The following MRPS27 variants were observed in gnomAD, a reference collection of about 807,000 sequenced individuals.
MRPS27 encodes the protein mitochondrial ribosomal protein S27.
Under a neutral mutation model 48.9 loss-of-function variants are expected in MRPS27, and 43 were observed. That is an observed-to-expected ratio of 0.88 (90% CI 0.69 to 1.13). The LOEUF (loss-of-function observed/expected upper bound fraction) is 1.13, where lower values mean the gene tolerates loss of function less well. MRPS27 is among the 50% of genes most tolerant of loss of function. The pLI, the probability that MRPS27 is intolerant of heterozygous loss-of-function variation, is 0.00. For missense variants in MRPS27, 467 were observed against 476.3 expected (o/e 0.98, Z 0.18); for synonymous variants, 188 against 171.9 (o/e 1.09, Z -0.73).
chr5:72,271,916 G>T (rs748024497), intron 4 of MRPS27, among the ~76,000 whole-genome samples: 7 of 152,118 alleles, frequency 4.6e-5, no homozygotes, highest in Non-Finnish European at 1.0e-4. Flanking sequence ...CTCACACTGG[G>T]ACACAAAACA....
At chr5:72,234,086 C>T (rs1464564710) in intron 6 of MRPS27, 33 bp downstream of exon 6, 2 of 1,472,318 alleles carry the variant, frequency 1.4e-6, no homozygotes, top group Non-Finnish European at 1.8e-6. Flanking sequence ...GCTGGAAGCC[C>T]TATAAACACT....
At chr5:72,249,045 G>A (rs1748585714) in intron 4 of MRPS27, among the ~76,000 whole-genome samples, 1 of 152,236 alleles carries the variant, frequency 6.6e-6, no homozygotes, top group East Asian at 1.9e-4. Context: ...GTAGCAAGTA[G>A]ACTGTCCACA....
chr5:72,256,220 G>T (rs1265967567), intron 4 of MRPS27, among the ~76,000 whole-genome samples: 2 of 152,100 alleles, frequency 1.3e-5, no homozygotes, highest in East Asian at 3.8e-4. Flanking sequence ...TATATTCCAC[G>T]TATTATGAAG....
At chr5:72,291,092 G>C (rs936782263) in intron 4 of MRPS27, among the ~76,000 whole-genome samples, 3 of 152,170 alleles carry the variant, frequency 2.0e-5, no homozygotes, top group African/African-American at 7.2e-5. Context: ...TTTTTCCGGT[G>C]CTGTAGGGAA....
chr5:72,238,918 G>C (rs771703836), intron 4 of MRPS27, among the ~76,000 whole-genome samples: 10 of 152,222 alleles, frequency 6.6e-5, no homozygotes, highest in Non-Finnish European at 8.8e-5. Flanking sequence ...CCGGTTCCTG[G>C]GGTTCATGAC....
At chr5:72,242,543 A>C (rs1486324715) in intron 4 of MRPS27, among the ~76,000 whole-genome samples, 1 of 151,924 alleles carries the variant, frequency 6.6e-6, no homozygotes, top group African/African-American at 2.4e-5. Context: ...AATTAAAAAA[A>C]AAAAGTGGCC....
chr5:72,233,851 G>A (rs1748123786), intron 6 of MRPS27, among the ~76,000 whole-genome samples: 1 of 152,076 alleles, frequency 6.6e-6, no homozygotes, highest in Admixed American at 6.6e-5. Context: ...CTGCATTTCA[G>A]TCAGTTTGGG....
At chr5:72,234,603 C>A (rs572848980) in intron 5 of MRPS27, among the ~76,000 whole-genome samples, 2 of 152,222 alleles carry the variant, frequency 1.3e-5, no homozygotes, top group South Asian at 4.1e-4. Flanking sequence ...CATTACACAG[C>A]ATTTTCTGGT....
At chr5:72,247,862 A>G (rs1748547911) in intron 4 of MRPS27, among the ~76,000 whole-genome samples, 1 of 152,200 alleles carries the variant, frequency 6.6e-6, no homozygotes, top group South Asian at 2.1e-4. Context: ...GGGGAGTAGG[A>G]TAGGGTGGGC....
At chr5:72,234,249 G>T in intron 5 of MRPS27, 52 bp from the exon 6 acceptor site, 1 of 1,335,766 alleles carries the variant, frequency 7.5e-7, no homozygotes, top group Non-Finnish European at 9.8e-7. Context: ...ATCTAATTTA[G>T]TCTGTAATAT....
intron 5 of MRPS27, among the ~76,000 whole-genome samples, chr5:72,235,525 G>C (rs147860307): frequency 6.6e-6 from 1 of 152,078 alleles, no homozygotes; most frequent in African/African-American, 2.4e-5. Flanking sequence ...GTTTGTCAAC[G>C]TAAGTTCATC....
chr5:72,312,004 C>T (rs536334129), intron 2 of MRPS27, among the ~76,000 whole-genome samples: 24 of 152,156 alleles, frequency 1.6e-4, no homozygotes, highest in Non-Finnish European at 3.2e-4. Flanking sequence ...TGGTGGCGTG[C>T]GGCTGTAACC....
At chr5:72,255,670 CTATATAAGGTAAG>C (rs1748782761) in intron 4 of MRPS27, among the ~76,000 whole-genome samples, 1 of 152,184 alleles carries the variant, frequency 6.6e-6, no homozygotes, top group African/African-American at 2.4e-5. Flanking sequence ...CGAAACAACC[CTATATAAGGTAAG>C]TATATTATCC....
intron 4 of MRPS27, among the ~76,000 whole-genome samples, chr5:72,262,367 G>A (rs916364885): frequency 3.3e-5 from 5 of 151,864 alleles, no homozygotes; most frequent in Non-Finnish European, 5.9e-5. Flanking sequence ...TGTGAGGCCC[G>A]TTGTCTTACA....
At chr5:72,312,591 C>T (rs1049146577) in intron 2 of MRPS27, among the ~76,000 whole-genome samples, 2 of 151,536 alleles carry the variant, frequency 1.3e-5, no homozygotes, top group Admixed American at 1.3e-4. Context: ...CTTTGTTTCT[C>T]CTCTGTATCG....
At chr5:72,294,583 T>G (rs915840555) in intron 4 of MRPS27, 1 of 152,214 alleles carries the variant, frequency 6.6e-6, no homozygotes, top group East Asian at 1.9e-4. Flanking sequence ...TTAATGTGCA[T>G]TAGGTTGTTT....
intron 4 of MRPS27, among the ~76,000 whole-genome samples, chr5:72,284,066 T>C (rs908905735): frequency 6.6e-6 from 1 of 152,144 alleles, no homozygotes; most frequent in Non-Finnish European, 1.5e-5. Flanking sequence ...ACTTTTATTA[T>C]GATATATACT....
intron 8 of MRPS27, 181 bp from the exon 9 acceptor site, chr5:72,226,380 TG>T: frequency 3.0e-6 from 2 of 657,160 alleles, no homozygotes; most frequent in Non-Finnish European, 5.1e-6. Flanking sequence ...TAATGACGAA[TG>T]TGGTAAAATT....
intron 4 of MRPS27, chr5:72,294,693 A>G (rs1196741745): frequency 2.0e-5 from 3 of 152,134 alleles, no homozygotes; most frequent in South Asian, 4.1e-4. Context: ...AGCAGCTGTG[A>G]GAAAGAGTGA....
Sources: gnomAD v4.1 joint callset for allele counts (sites outside exome capture counted in the v4.1 genomes callset) on GRCh38, gnomAD v4.1.1 for gene constraint, MANE v1.5 for transcripts, NCBI Gene and HGNC (gene_info 2026-07-23, HGNC 2026-07-21) for gene names.